NKAIN2: variants seen among roughly 807,000 people sequenced by gnomAD.
NKAIN2 encodes sodium/potassium-transporting ATPase subunit beta-1-interacting protein 2.
NKAIN2 carries 14 observed loss-of-function variants against 32.6 expected under a neutral mutation model. The observed-to-expected ratio is 0.43, with a 90% CI of 0.28 to 0.67. The LOEUF is 0.67. NKAIN2 is among the 30% of genes least tolerant of loss of function. The probability of loss-of-function intolerance (pLI) is 0.17; values close to 1 mark genes in which losing one functional copy is unlikely to be tolerated. For missense variants in NKAIN2, 198 were observed against 258.3 expected (o/e 0.77, Z 1.60); for synonymous variants, 80 against 87.2 (o/e 0.92, Z 0.46).
chr6:124,349,679 G>A (rs1230857184), intron 2 of NKAIN2, among the ~76,000 whole-genome samples: 2 of 152,046 alleles, frequency 1.3e-5, no homozygotes, highest in Non-Finnish European at 2.9e-5. Flanking sequence ...ATACTACCTT[G>A]GTCTACCTTT....
At chr6:124,498,232 A>G (rs1778143825) in intron 3 of NKAIN2, among the ~76,000 whole-genome samples, 1 of 152,154 alleles carries the variant, frequency 6.6e-6, no homozygotes, top group Non-Finnish European at 1.5e-5. Context: ...CCAGGTGGAA[A>G]GATTGGCAGG....
Position 124,330,015 on chromosome 6 carries a change from A to G in NKAIN2, c.193-25252A>G, listed in dbSNP as rs540782533. Among the ~76,000 whole-genome samples the G allele has an allele frequency of 3.9e-5, 6 of 152,302 alleles. No individual in the cohort carries two copies. The South Asian group carries it at 1.2e-3, about 32-fold the overall frequency. The stretch of plus-strand genomic sequence containing the variant: ...AAGGGATCCAATGTAATCATCTGTT[A>G]CTGACTGGCTGTTGGTCTTATCAAG... On this transcript the variant is annotated intron_variant, in intron 2 of 6. Coordinates refer to ENST00000368417, the MANE Select transcript of NKAIN2 (RefSeq NM_001040214.3).
intron 1 of NKAIN2, among the ~76,000 whole-genome samples, chr6:124,026,273 A>C (rs970668397): frequency 6.6e-6 from 1 of 152,204 alleles, no homozygotes; most frequent in Non-Finnish European, 1.5e-5. Flanking sequence ...TTCAGCCAGG[A>C]CCCTGGCAAT....
intron 1 of NKAIN2, among the ~76,000 whole-genome samples, chr6:123,834,715 A>G (rs1325433367): frequency 6.6e-6 from 1 of 152,146 alleles, no homozygotes; most frequent in Non-Finnish European, 1.5e-5. Context: ...TTTTGTAGAT[A>G]TGATTTAGTA....
intron 1 of NKAIN2, among the ~76,000 whole-genome samples, chr6:123,808,417 CTT>C (rs1341887718): frequency 1.3e-5 from 2 of 152,124 alleles, no homozygotes; most frequent in African/African-American, 2.4e-5. Flanking sequence ...AAAATGATAA[CTT>C]TCTTCTTTTT....
At chr6:123,938,395 G>T (rs1334010604) in intron 1 of NKAIN2, among the ~76,000 whole-genome samples, 1 of 77,962 alleles carries the variant, frequency 1.3e-5, no homozygotes, top group Non-Finnish European at 2.4e-5. Flanking sequence ...ATTTGCAAGG[G>T]TTATATATAT....
In NKAIN2 at chr6:124,795,923, T is replaced by C. The variant is rs115771761; in HGVS notation, c.535+4524T>C. Among the ~76,000 whole-genome samples, 1,171 of 152,262 alleles carry C rather than the reference T, an allele frequency of 7.7e-3. 13 individuals carry two copies. The highest frequency in any genetic ancestry group is 0.027 in the African/African-American group (1,127 of 41,556). On this transcript the variant is annotated intron_variant, in intron 5 of 6. Coordinates refer to ENST00000368417, the MANE Select transcript of NKAIN2 (RefSeq NM_001040214.3). ...GGGAGGGACACTAACATTTACATCA[T>C]AGCAGACACTATATTGCAAGGGTTT...
intron 3 of NKAIN2, among the ~76,000 whole-genome samples, chr6:124,545,023 G>A (rs1306176122): frequency 6.6e-6 from 1 of 152,048 alleles, no homozygotes; most frequent in Non-Finnish European, 1.5e-5. Flanking sequence ...ACTCTTCTCT[G>A]GGCGATGCCT....
intron 1 of NKAIN2, among the ~76,000 whole-genome samples, chr6:124,249,402 T>TG (rs943744449): frequency 1.1e-4 from 16 of 151,970 alleles, no homozygotes; most frequent in African/African-American, 3.9e-4. Context: ...GGGAGAGCTA[T>TG]GGGGGGTAGT....
In NKAIN2 at chr6:124,050,145, T is replaced by TGGCAATTGGCAA. The variant is rs745417144; in HGVS notation, c.55-232860_55-232859insGGCAATTGGCAA. On this transcript the variant is annotated intron_variant, in intron 1 of 6. Coordinates refer to ENST00000368417, the MANE Select transcript of NKAIN2 (RefSeq NM_001040214.3). ...GCATATGGGGGAGCTACTATCAATA[T>TGGCAATTGGCAA]AGTGGCAAATAATGAGCCAATTGGG... is the stretch of plus-strand genomic sequence containing the variant. Among the ~76,000 whole-genome samples the TGGCAATTGGCAA allele has an allele frequency of 2.4e-3, 358 of 152,104 alleles. 1 individual carries two copies. Among genetic ancestry groups the TGGCAATTGGCAA allele is most frequent in the African/African-American group, 8.0e-3 (334 of 41,536 alleles).
intron 3 of NKAIN2, among the ~76,000 whole-genome samples, chr6:124,392,577 G>A (rs761542282): frequency 6.6e-6 from 1 of 152,088 alleles, no homozygotes; most frequent in Non-Finnish European, 1.5e-5. Context: ...AAAGTTTAGG[G>A]CTATGCTAGA....
chr6:124,774,579 G>T (rs142011474), intron 4 of NKAIN2, among the ~76,000 whole-genome samples: 29 of 152,200 alleles, frequency 1.9e-4, no homozygotes, highest in African/African-American at 7.0e-4. Flanking sequence ...ACCTTGGCTG[G>T]GCACGGTGGC....
chr6:124,697,958 G>T lies in NKAIN2; in HGVS notation c.474+39572G>T, dbSNP rs549652997. 2.0e-5 allele frequency among the ~76,000 whole-genome samples: 3 copies of T among 152,130 alleles called. No individual in the cohort carries two copies. The South Asian group carries it at 6.2e-4, about 32-fold the overall frequency. On this transcript the variant is annotated intron_variant, in intron 4 of 6. Coordinates refer to ENST00000368417, the MANE Select transcript of NKAIN2 (RefSeq NM_001040214.3). The stretch of plus-strand genomic sequence containing the variant: ...TACATTCAGAAGTCTTAGTTTGATG[G>T]GGTTGTACGATCCCTGACTTCATTA...
chr6:124,510,140 T>G (rs1247681357), intron 3 of NKAIN2, among the ~76,000 whole-genome samples: 2 of 129,658 alleles, frequency 1.5e-5, no homozygotes, highest in East Asian at 4.7e-4. Flanking sequence ...ATAAAATCCT[T>G]AGTGCTTTGG....
intron 1 of NKAIN2, among the ~76,000 whole-genome samples, chr6:123,949,750 A>T (rs1040903182): frequency 6.6e-6 from 1 of 152,026 alleles, no homozygotes; most frequent in Non-Finnish European, 1.5e-5. Context: ...GCAAGGAAGG[A>T]CAAATTGACT....
chr6:124,682,056 T>C (rs1297813065), intron 4 of NKAIN2, among the ~76,000 whole-genome samples: 1 of 151,930 alleles, frequency 6.6e-6, no homozygotes, highest in Non-Finnish European at 1.5e-5. Context: ...TTTCAAAGAA[T>C]CAGAGATTTA....
intron 4 of NKAIN2, among the ~76,000 whole-genome samples, chr6:124,767,186 G>A (rs1056688310): frequency 1.3e-5 from 2 of 151,906 alleles, no homozygotes; most frequent in Non-Finnish European, 2.9e-5. Flanking sequence ...GAGCCACCGC[G>A]CCCGGCCCTA....
chr6:124,109,442 T>C (rs771389784), intron 1 of NKAIN2, among the ~76,000 whole-genome samples: 2 of 152,072 alleles, frequency 1.3e-5, no homozygotes, highest in Non-Finnish European at 2.9e-5. Context: ...CAGTGCTTTT[T>C]CTGGAGTCTC....
chr6:124,732,402 AAGG>A (rs1415876287), intron 4 of NKAIN2, among the ~76,000 whole-genome samples: 1 of 152,072 alleles, frequency 6.6e-6, no homozygotes, highest in African/African-American at 2.4e-5. Flanking sequence ...AGAGGCAAAT[AAGG>A]ACAGAAGTTA....
Sources: allele counts gnomAD v4.1 joint callset (sites outside exome capture counted in the v4.1 genomes callset), GRCh38; gene constraint gnomAD v4.1.1; transcripts MANE v1.5; gene names NCBI Gene and HGNC (gene_info 2026-07-23, HGNC 2026-07-21).